TNIK: variants seen among roughly 807,000 people sequenced by gnomAD.
The protein encoded by TNIK is TRAF2 and NCK interacting kinase, also known as TRAF2 and NCK-interacting protein kinase.
A neutral mutation model predicts 191.3 loss-of-function variants in TNIK; 49 were observed. That is an observed-to-expected ratio of 0.26 (90% CI 0.20 to 0.32). The LOEUF is 0.32. Among genes scored for constraint, TNIK ranks in the 10% least tolerant of loss-of-function variants. The probability of loss-of-function intolerance (pLI) is 1.00; values close to 1 mark genes in which losing one functional copy is unlikely to be tolerated. For missense variants in TNIK, 1,155 were observed against 1,702.3 expected (o/e 0.68, Z 5.66); for synonymous variants, 594 against 600.9 (o/e 0.99, Z 0.17).
At chr3:171,297,293 G>C (rs915199604) in intron 2 of TNIK, among the ~76,000 whole-genome samples, 1 of 152,158 alleles carries the variant, frequency 6.6e-6, no homozygotes, top group African/African-American at 2.4e-5. Flanking sequence ...TGCCCATAGA[G>C]AGGGGAGACA....
At chr3:171,373,054 T>C (rs1716738232) in intron 1 of TNIK, among the ~76,000 whole-genome samples, 1 of 152,212 alleles carries the variant, frequency 6.6e-6, no homozygotes, top group African/African-American at 2.4e-5. Context: ...GCTGAATGTT[T>C]GTGAATAGTC....
At chr3:171,189,715 T>C (rs1737800754) in intron 6 of TNIK, among the ~76,000 whole-genome samples, 1 of 152,158 alleles carries the variant, frequency 6.6e-6, no homozygotes, top group African/African-American at 2.4e-5. Flanking sequence ...TATAGAAAAT[T>C]GTCTTGTACA....
chr3:171,264,067 TACACACACACACACACACACAC>T (rs760319253), intron 2 of TNIK, among the ~76,000 whole-genome samples: 8 of 110,772 alleles, frequency 7.2e-5, no homozygotes, highest in East Asian at 3.1e-4. Flanking sequence ...TATATATACA[TACACACACACACACACACACAC>T]ACACACACAC....
At chr3:171,337,494 G>T (rs776378901) in intron 2 of TNIK, among the ~76,000 whole-genome samples, 8 of 152,298 alleles carry the variant, frequency 5.3e-5, no homozygotes, top group Non-Finnish European at 1.0e-4. Context: ...TTAAGCCTGG[G>T]CATCCTATTT....
At chr3:171,280,667 T>C (rs1217025061) in intron 2 of TNIK, among the ~76,000 whole-genome samples, 1 of 147,460 alleles carries the variant, frequency 6.8e-6, no homozygotes, top group African/African-American at 2.5e-5. Context: ...AAAAAAAAAC[T>C]GTATCCAAAA....
At chr3:171,120,402 G>A (rs1384794300) in intron 18 of TNIK, among the ~76,000 whole-genome samples, 3 of 148,192 alleles carry the variant, frequency 2.0e-5, no homozygotes, top group African/African-American at 7.6e-5. Context: ...CTCACTGCAA[G>A]CTCCGCTTCC....
intron 2 of TNIK, among the ~76,000 whole-genome samples, chr3:171,283,260 T>C (rs779296261): frequency 6.6e-6 from 1 of 152,168 alleles, no homozygotes; most frequent in Non-Finnish European, 1.5e-5. Flanking sequence ...TACAGTTCTC[T>C]GAAATGTTTC....
intron 28 of TNIK, among the ~76,000 whole-genome samples, chr3:171,074,533 A>G (rs1348914103): frequency 2.0e-5 from 3 of 152,172 alleles, no homozygotes; most frequent in African/African-American, 2.4e-5. Flanking sequence ...AAAGAAAAAA[A>G]AATCCCTTCA....
chr3:171,256,489 A>G lies in TNIK; in HGVS notation c.124-28268T>C, dbSNP rs182132379. On this transcript the variant is annotated intron_variant, in intron 2 of 32. Coordinates refer to ENST00000436636, the MANE Select transcript of TNIK (RefSeq NM_015028.4). ...GGGGAACTCTTTTCTCCAATACTTC[A>G]TGAACACTAAAAAACAAAGCCACAG... Among the ~76,000 whole-genome samples the G allele has an allele frequency of 2.2e-3, 336 of 152,282 alleles. 2 individuals carry two copies. Among genetic ancestry groups the G allele is most frequent in the African/African-American group, 2.4e-3 (100 of 41,564 alleles).
chr3:171,260,017 C>T (rs1181299523), intron 2 of TNIK, among the ~76,000 whole-genome samples: 5 of 152,132 alleles, frequency 3.3e-5, no homozygotes, highest in South Asian at 2.1e-4. Flanking sequence ...CCAGTTTTAG[C>T]AAAAGAACCC....
chr3:171,155,895 G>C (rs546590961), intron 12 of TNIK, among the ~76,000 whole-genome samples: 22 of 152,298 alleles, frequency 1.4e-4, no homozygotes, highest in African/African-American at 5.3e-4. Flanking sequence ...CCAATCCCCT[G>C]GATCTGAAAC....
chr3:171,207,931 A>C (rs1326385695), intron 4 of TNIK, among the ~76,000 whole-genome samples: 2 of 152,220 alleles, frequency 1.3e-5, no homozygotes, highest in Non-Finnish European at 2.9e-5. Context: ...AGCAAAAGAC[A>C]CAATCCTTGC....
At chr3:171,236,565 G>T (rs943920320) in intron 2 of TNIK, among the ~76,000 whole-genome samples, 4 of 152,168 alleles carry the variant, frequency 2.6e-5, no homozygotes, top group Non-Finnish European at 4.4e-5. Flanking sequence ...AGGTCCAGAC[G>T]CTGCCCTGCC....
intron 1 of TNIK, among the ~76,000 whole-genome samples, chr3:171,377,198 C>T (rs1186767882): frequency 6.6e-6 from 1 of 152,200 alleles, no homozygotes; most frequent in Non-Finnish European, 1.5e-5. Context: ...GATCAGCTGG[C>T]TACTGGCAGA....
chr3:171,434,953 G>C (rs1725855622), intron 1 of TNIK, among the ~76,000 whole-genome samples: 1 of 152,114 alleles, frequency 6.6e-6, no homozygotes, highest in African/African-American at 2.4e-5. Context: ...ACTGAGAGTG[G>C]CTTAAACAAT....
chr3:171,171,498 G>A (rs1475427031), intron 9 of TNIK, among the ~76,000 whole-genome samples: 1 of 152,244 alleles, frequency 6.6e-6, no homozygotes, highest in Non-Finnish European at 1.5e-5. Context: ...ACCTGCATCT[G>A]AAGCATGAGT....
intron 18 of TNIK, among the ~76,000 whole-genome samples, chr3:171,117,228 G>A (rs1374536191): frequency 6.6e-6 from 1 of 152,168 alleles, no homozygotes; most frequent in Non-Finnish European, 1.5e-5. Context: ...GGACAAAATG[G>A]TGCTGTGTCA....
intron 1 of TNIK, among the ~76,000 whole-genome samples, chr3:171,442,086 A>C (rs1433136559): frequency 6.6e-6 from 1 of 152,234 alleles, no homozygotes; most frequent in Non-Finnish European, 1.5e-5. Flanking sequence ...TTAAGGAACC[A>C]TGCAACTCAA....
Position 171,295,005 on chromosome 3 carries a change from AAGAGAG to A in TNIK, c.124-66790_124-66785del, listed in dbSNP as rs141597723. Among the ~76,000 whole-genome samples, 268 of 146,698 alleles carry A rather than the reference AAGAGAG, an allele frequency of 1.8e-3. 1 individual carries two copies. Among genetic ancestry groups the A allele is most frequent in the African/African-American group, 6.2e-3 (247 of 39,734 alleles). On this transcript the variant is annotated intron_variant, in intron 2 of 32. Transcript: ENST00000436636. ...TCACTTTGAATAGGTCTGGCCAGGG[AAGAGAG>A]AGAGAGAGAGAGAGAGGAAAAAAAA...
Sources: gnomAD v4.1 joint callset for allele counts (sites outside exome capture counted in the v4.1 genomes callset) on GRCh38, gnomAD v4.1.1 for gene constraint, MANE v1.5 for transcripts, NCBI Gene and HGNC (gene_info 2026-07-23, HGNC 2026-07-21) for gene names.